DNAJC7: variants seen among roughly 807,000 people sequenced by gnomAD.
DNAJC7 encodes DnaJ heat shock protein family (Hsp40) member C7, also known as dnaJ homolog subfamily C member 7.
In DNAJC7, 18 loss-of-function variants were observed where a neutral mutation model predicts 67.4. The ratio of observed to expected loss-of-function variants is 0.27; its 90% CI spans 0.18 to 0.40. DNAJC7 has a LOEUF of 0.40. Ranked by LOEUF, DNAJC7 falls within the 10% of genes least tolerant of loss-of-function variation. The pLI is 1.00. For missense variants in DNAJC7, 419 were observed against 613.8 expected (o/e 0.68, Z 3.35); for synonymous variants, 220 against 207.8 (o/e 1.06, Z -0.50).
chr17:42,001,336 T>C (rs1447694421), intron 1 of DNAJC7, among the ~76,000 whole-genome samples: 1 of 152,206 alleles, frequency 6.6e-6, no homozygotes, highest in African/African-American at 2.4e-5. Context: ...AGCAGTATTT[T>C]TTCCCTACCT....
intron 1 of DNAJC7, among the ~76,000 whole-genome samples, chr17:42,005,597 ATTC>A (rs2051926023): frequency 6.6e-6 from 1 of 152,186 alleles, no homozygotes; most frequent in Non-Finnish European, 1.5e-5. Context: ...CAGGGATGAG[ATTC>A]TTCATCATTT....
chr17:41,977,454 C>T (rs2143076941), intron 12 of DNAJC7, 131 bp from the exon 13 acceptor site: 2 of 791,490 alleles, frequency 2.5e-6, no homozygotes, highest in Middle Eastern at 2.4e-4. Context: ...CCTTTCCCAA[C>T]ACTTCAGACT....
In DNAJC7 at chr17:41,977,310, G is replaced by A. The variant is rs1555645103; in HGVS notation, c.1398C>T (p.Asn466=). Residue 466 remains asparagine (N), a synonymous_variant, in exon 13 of 14, where the codon AAC becomes AAT. Coordinates refer to ENST00000457167, the MANE Select transcript of DNAJC7 (RefSeq NM_003315.4). ...CGCCAAAGAATGCCTTGAAGATATT[G>A]TTTGGATCAAAATCTGTAGAGCAGG... The part of the protein sequence containing the change: ...EGMNMGDFDP[N]NIFKAFFGGP... 1 of 1,582,164 alleles carries A rather than the reference G, an allele frequency of 6.3e-7. No homozygotes were observed. The highest frequency in any genetic ancestry group is 2.3e-5 in the East Asian group (1 of 43,490).
At chr17:42,006,398 T>C (rs1404956641) in intron 1 of DNAJC7, among the ~76,000 whole-genome samples, 1 of 151,730 alleles carries the variant, frequency 6.6e-6, no homozygotes, top group Non-Finnish European at 1.5e-5. Context: ...CTCACGCCTA[T>C]AATCCCAGGA....
At chr17:41,993,726 G>T (rs561291857) in intron 5 of DNAJC7, among the ~76,000 whole-genome samples, 3 of 152,118 alleles carry the variant, frequency 2.0e-5, no homozygotes, top group African/African-American at 7.2e-5. Context: ...CATAATAACT[G>T]CGAGGTCTAG....
At chr17:41,983,161 G>A (rs893609867) in intron 10 of DNAJC7, among the ~76,000 whole-genome samples, 8 of 151,742 alleles carry the variant, frequency 5.3e-5, no homozygotes, top group African/African-American at 1.9e-4. Context: ...GTCTCGCTCC[G>A]TCACCCAGGC....
intron 4 of DNAJC7, 76 bp from the exon 5 acceptor site, chr17:41,995,020 C>A: frequency 7.8e-7 from 1 of 1,288,242 alleles, no homozygotes; most frequent in Non-Finnish European, 1.1e-6. Flanking sequence ...TTAACAAGGC[C>A]TTGATGAATT....
At chr17:42,005,458 T>C (rs1197012024) in intron 1 of DNAJC7, among the ~76,000 whole-genome samples, 3 of 152,218 alleles carry the variant, frequency 2.0e-5, no homozygotes, top group Admixed American at 6.5e-5. Flanking sequence ...AATTAAAGCA[T>C]CAATCAGAAA....
intron 3 of DNAJC7, among the ~76,000 whole-genome samples, 168 bp from the exon 4 acceptor site, chr17:41,996,592 G>T (rs1263634470): frequency 6.6e-6 from 1 of 152,138 alleles, no homozygotes; most frequent in Non-Finnish European, 1.5e-5. Flanking sequence ...ACTCACTTGG[G>T]GTCAGGAGTT....
intron 9 of DNAJC7, 61 bp from the exon 10 acceptor site, chr17:41,983,697 C>T (rs2143130051): frequency 1.4e-6 from 2 of 1,453,790 alleles, no homozygotes; most frequent in Non-Finnish European, 1.9e-6. Context: ...TTCTCAGGAT[C>T]ACTCTAGGGC....
intron 5 of DNAJC7, 62 bp downstream of exon 5, chr17:41,994,808 C>G: frequency 1.4e-6 from 2 of 1,430,138 alleles, no homozygotes; most frequent in Non-Finnish European, 9.9e-7. Context: ...TTATCACACA[C>G]ACACACGAAT....
intron 12 of DNAJC7, among the ~76,000 whole-genome samples, chr17:41,979,962 AAAAAC>A (rs1414250188): frequency 1.3e-5 from 2 of 152,036 alleles, no homozygotes; most frequent in Non-Finnish European, 2.9e-5. Flanking sequence ...CTCCGTCTCA[AAAAAC>A]AAAACAAAAC....
intron 2 of DNAJC7, among the ~76,000 whole-genome samples, chr17:42,000,219 G>C (rs1598142465): frequency 6.7e-6 from 1 of 149,328 alleles, no homozygotes; most frequent in Non-Finnish European, 1.5e-5. Flanking sequence ...CCCGAGTTCA[G>C]GCAATTCTCC....
chr17:41,977,885 G>T (rs1443714619), intron 12 of DNAJC7, among the ~76,000 whole-genome samples: 3 of 151,996 alleles, frequency 2.0e-5, no homozygotes, highest in Non-Finnish European at 2.9e-5. Flanking sequence ...GAGCCCAGGA[G>T]TTCAAGGCTG....
intron 1 of DNAJC7, chr17:42,013,407 T>C (rs1043787136): frequency 6.6e-6 from 1 of 152,194 alleles, no homozygotes; most frequent in African/African-American, 2.4e-5. Context: ...GCTCCTCTCA[T>C]TTTGCCCCCC....
At chr17:41,981,097 G>A (rs1555645912) in intron 12 of DNAJC7, among the ~76,000 whole-genome samples, 2 of 152,132 alleles carry the variant, frequency 1.3e-5, no homozygotes, top group African/African-American at 2.4e-5. Flanking sequence ...GTGCAGTAGC[G>A]CCATCTTGGC....
At chr17:42,006,916 G>A (rs142270167) in intron 1 of DNAJC7, among the ~76,000 whole-genome samples, 113 of 150,640 alleles carry the variant, frequency 7.5e-4, no homozygotes, top group African/African-American at 2.7e-3. Context: ...TGGCTAACAC[G>A]GTGAAACCCC....
intron 3 of DNAJC7, 50 bp from the exon 4 acceptor site, chr17:41,996,474 A>G (rs1322391446): frequency 1.3e-5 from 20 of 1,559,816 alleles, no homozygotes; most frequent in Non-Finnish European, 1.4e-5. Context: ...GCCAAGTGGA[A>G]AGAAATCAAC....
chr17:42,009,381 A>C lies in DNAJC7; in HGVS notation c.77+7959T>G, dbSNP rs554645822. Among the ~76,000 whole-genome samples, 44 of 152,334 alleles carry C rather than the reference A, an allele frequency of 2.9e-4. No homozygotes were observed. The East Asian group carries it at 7.5e-3, about 26-fold the overall frequency. ...TCTACACAAAGCAGCAGCACTCCCT[A>C]CTGTTCAGGCAGGGACGGACACCAG... On this transcript the variant is annotated intron_variant, in intron 1 of 13. Transcript: ENST00000457167.
Sources: allele counts gnomAD v4.1 joint callset (sites outside exome capture counted in the v4.1 genomes callset), GRCh38; gene constraint gnomAD v4.1.1; transcripts MANE v1.5; gene names NCBI Gene and HGNC (gene_info 2026-07-23, HGNC 2026-07-21).